KCTD8: variants seen among roughly 807,000 people sequenced by gnomAD.
The protein encoded by KCTD8 is BTB/POZ domain-containing protein KCTD8.
In KCTD8, 27 loss-of-function variants were observed where a neutral mutation model predicts 31.5. The observed-to-expected ratio is 0.86, with a 90% CI of 0.63 to 1.18. The LOEUF is 1.18. KCTD8 is among the 50% of genes most tolerant of loss of function. The pLI is 0.00. For missense variants in KCTD8, 658 were observed against 647.7 expected (o/e 1.02, Z -0.17); for synonymous variants, 290 against 280.0 (o/e 1.04, Z -0.36).
chr4:44,367,847 T>C (rs910730575), intron 1 of KCTD8, among the ~76,000 whole-genome samples: 1 of 150,528 alleles, frequency 6.6e-6, no homozygotes, highest in African/African-American at 2.4e-5. Flanking sequence ...GCTTTCATTG[T>C]AGGTTGCTAT....
chr4:44,265,896 AAAGACCAAATCTACATCTGATTGGTGT>A (rs1447063449), intron 1 of KCTD8, among the ~76,000 whole-genome samples: 2 of 152,224 alleles, frequency 1.3e-5, no homozygotes, highest in African/African-American at 4.8e-5. Context: ...GACTATGTGA[AAAGACCAAATCTACATCTGATTGGTGT>A]ACCTGAAAGT....
At chr4:44,329,154 A>G (rs955505617) in intron 1 of KCTD8, among the ~76,000 whole-genome samples, 1 of 151,212 alleles carries the variant, frequency 6.6e-6, no homozygotes, top group Admixed American at 6.6e-5. Context: ...TCAAGAATAA[A>G]TCCTCCACTT....
intron 1 of KCTD8, among the ~76,000 whole-genome samples, chr4:44,311,415 G>A (rs1717946637): frequency 6.6e-6 from 1 of 151,702 alleles, no homozygotes; most frequent in South Asian, 2.1e-4. Flanking sequence ...TCAATCAGCT[G>A]GAAGGAAAAA....
At chr4:44,247,691 T>C (rs1320521662) in intron 1 of KCTD8, among the ~76,000 whole-genome samples, 3 of 151,940 alleles carry the variant, frequency 2.0e-5, no homozygotes, top group Non-Finnish European at 2.9e-5. Flanking sequence ...TTTAGGTATC[T>C]CATATAAGTG....
At chr4:44,229,976 C>G (rs542331922) in intron 1 of KCTD8, among the ~76,000 whole-genome samples, 2 of 151,988 alleles carry the variant, frequency 1.3e-5, no homozygotes, top group South Asian at 2.1e-4. Context: ...CTCCCTCCCC[C>G]ACCCCCTGAC....
At chr4:44,386,044 A>T (rs1720204197) in intron 1 of KCTD8, among the ~76,000 whole-genome samples, 2 of 151,564 alleles carry the variant, frequency 1.3e-5, no homozygotes, top group Non-Finnish European at 3.0e-5. Context: ...CTTAAAAAAA[A>T]ACGGTTGATT....
chr4:44,328,928 G>C (rs1442199643), intron 1 of KCTD8, among the ~76,000 whole-genome samples: 1 of 151,872 alleles, frequency 6.6e-6, no homozygotes, highest in Admixed American at 6.6e-5. Context: ...CCATTCGGTA[G>C]ACACTTAGGT....
intron 1 of KCTD8, among the ~76,000 whole-genome samples, chr4:44,337,221 T>C (rs1577623178): frequency 6.6e-6 from 1 of 152,144 alleles, no homozygotes; most frequent in South Asian, 2.1e-4. Context: ...GACAGGCTGG[T>C]AGGAGTATAA....
At chr4:44,183,661 G>C (rs1713496182) in intron 1 of KCTD8, among the ~76,000 whole-genome samples, 1 of 152,066 alleles carries the variant, frequency 6.6e-6, no homozygotes, top group African/African-American at 2.4e-5. Context: ...GTAGTTCTAG[G>C]TGTGGGGATG....
At chr4:44,192,870 G>A (rs1381158372) in intron 1 of KCTD8, among the ~76,000 whole-genome samples, 2 of 152,124 alleles carry the variant, frequency 1.3e-5, no homozygotes, top group Non-Finnish European at 2.9e-5. Context: ...TAGCCTCCCA[G>A]CCTACGTCTT....
At chr4:44,445,611 C>T (rs900582767) in intron 1 of KCTD8, among the ~76,000 whole-genome samples, 5 of 152,088 alleles carry the variant, frequency 3.3e-5, no homozygotes, top group African/African-American at 1.2e-4. Context: ...TGTATTATCT[C>T]TTCATAATCA....
At chr4:44,328,938 T>C (rs891345286) in intron 1 of KCTD8, among the ~76,000 whole-genome samples, 1 of 151,850 alleles carries the variant, frequency 6.6e-6, no homozygotes, top group Non-Finnish European at 1.5e-5. Context: ...GACACTTAGG[T>C]GTCCAACCGT....
chr4:44,284,124 A>C (rs1481033671), intron 1 of KCTD8, among the ~76,000 whole-genome samples: 1 of 152,158 alleles, frequency 6.6e-6, no homozygotes, highest in Non-Finnish European at 1.5e-5. Context: ...TTCGAAAAAA[A>C]ACTACTTTAA....
At chr4:44,364,782 A>T (rs2109432471) in intron 1 of KCTD8, among the ~76,000 whole-genome samples, 1 of 152,242 alleles carries the variant, frequency 6.6e-6, no homozygotes. Flanking sequence ...ACATATTGCT[A>T]AGTCAAAGAA....
At chr4:44,406,371 C>T (rs1420834274) in intron 1 of KCTD8, among the ~76,000 whole-genome samples, 2 of 152,116 alleles carry the variant, frequency 1.3e-5, no homozygotes, top group African/African-American at 4.8e-5. Context: ...TCCCATAATT[C>T]CCACCTGTTG....
intron 1 of KCTD8, among the ~76,000 whole-genome samples, chr4:44,262,286 T>C (rs1353717991): frequency 6.6e-6 from 1 of 151,884 alleles, no homozygotes; most frequent in Non-Finnish European, 1.5e-5. Context: ...AGGAAATAGA[T>C]ATTTCAAAGT....
chr4:44,174,559 C>T lies in KCTD8; in HGVS notation c.*231G>A, dbSNP rs1713140563. On this transcript the variant is annotated 3_prime_UTR_variant, in exon 2 of 2. Coordinates refer to ENST00000360029, the MANE Select transcript of KCTD8 (RefSeq NM_198353.3). ...TTCATTCTTGTAAAATGGTTTGAAT[C>T]AGATATTCCATTTTGATTTAACACT... The T allele has an allele frequency of 2.4e-6, 1 of 411,426 alleles. No individual in the cohort carries two copies. The highest frequency in any genetic ancestry group is 2.0e-5 in the African/African-American group (1 of 48,866). The allele number at this position is 411,426 out of a possible 1,614,324, so 25.5% of individuals were successfully genotyped here. A position where few individuals can be genotyped will look rare whatever the true frequency, so the allele number is the denominator to read the frequency against.
intron 1 of KCTD8, among the ~76,000 whole-genome samples, chr4:44,301,420 G>A (rs1402410216): frequency 6.6e-6 from 1 of 152,198 alleles, no homozygotes; most frequent in Non-Finnish European, 1.5e-5. Flanking sequence ...TAACTGGCGT[G>A]AGATGTTATC....
intron 1 of KCTD8, among the ~76,000 whole-genome samples, chr4:44,399,372 G>GA (rs1197937575): frequency 1.3e-5 from 2 of 152,084 alleles, no homozygotes; most frequent in Admixed American, 6.6e-5. Context: ...AAGTAACGCT[G>GA]AAAAAAATTG....
Sources: gnomAD v4.1 joint callset for allele counts (sites outside exome capture counted in the v4.1 genomes callset) on GRCh38, gnomAD v4.1.1 for gene constraint, MANE v1.5 for transcripts, NCBI Gene and HGNC (gene_info 2026-07-23, HGNC 2026-07-21) for gene names.